HEMK2: variants seen among roughly 807,000 people sequenced by gnomAD.
The protein encoded by HEMK2 is methyltransferase HEMK2.
chr21:28,865,823 T>C, the HEMK2 span, among the ~76,000 whole-genome samples: 2 of 152,162 alleles, frequency 1.3e-5, no homozygotes, highest in South Asian at 2.1e-4. Context: ...TACTTCACAG[T>C]CTCCAAAACT....
chr21:28,878,301 A>G, the HEMK2 span: 1 of 1,613,406 alleles, frequency 6.2e-7, no homozygotes, highest in South Asian at 1.1e-5. Flanking sequence ...TTCTGCCACC[A>G]GCCCAAGCTG....
the HEMK2 span, among the ~76,000 whole-genome samples, chr21:28,677,564 C>T: frequency 2.2e-3 from 333 of 152,314 alleles, no homozygotes; most frequent in Admixed American, 3.6e-3. Context: ...TCTCCCAGCA[C>T]GCAGCTGGAG....
At chr21:28,601,179 G>T in the HEMK2 span, among the ~76,000 whole-genome samples, 1 of 152,074 alleles carries the variant, frequency 6.6e-6, no homozygotes, top group South Asian at 2.1e-4. Flanking sequence ...ATTCTACTCA[G>T]CAGCAAGAGG....
chr21:28,791,649 T>C, the HEMK2 span, among the ~76,000 whole-genome samples: 1 of 152,172 alleles, frequency 6.6e-6, no homozygotes, highest in South Asian at 2.1e-4. Context: ...AGGTCAAAAC[T>C]GAGACCCACT....
At chr21:28,727,260 G>C in the HEMK2 span, among the ~76,000 whole-genome samples, 1 of 152,126 alleles carries the variant, frequency 6.6e-6, no homozygotes, top group African/African-American at 2.4e-5. Context: ...GCATCCCCAG[G>C]ACACCCACAC....
chr21:28,638,221 G>A, the HEMK2 span, among the ~76,000 whole-genome samples: 1 of 152,192 alleles, frequency 6.6e-6, no homozygotes, highest in Non-Finnish European at 1.5e-5. Flanking sequence ...TATGAATGGA[G>A]TATTAGAAAA....
the HEMK2 span, among the ~76,000 whole-genome samples, chr21:28,678,045 GA>G: frequency 6.8e-6 from 1 of 146,308 alleles, no homozygotes; most frequent in African/African-American, 2.5e-5. Context: ...GCTGGATGGA[GA>G]ATGACTTTAA....
chr21:28,875,692 G>A, the HEMK2 span: 2 of 152,184 alleles, frequency 1.3e-5, no homozygotes, highest in Non-Finnish European at 2.9e-5. Context: ...GGCCCACTAA[G>A]TATTGTGCCT....
chr21:28,588,843 C>T, the HEMK2 span, among the ~76,000 whole-genome samples: 1 of 151,846 alleles, frequency 6.6e-6, no homozygotes, highest in African/African-American at 2.4e-5. Flanking sequence ...ATTAGCCGGG[C>T]GTTGTGGTGG....
the HEMK2 span, among the ~76,000 whole-genome samples, chr21:28,790,674 A>G: frequency 1.3e-5 from 2 of 152,140 alleles, no homozygotes; most frequent in Non-Finnish European, 2.9e-5. Context: ...ACTTTAGGAA[A>G]AAATATTAAT....
chr21:28,882,779 G>C, the HEMK2 span, among the ~76,000 whole-genome samples: 1 of 152,178 alleles, frequency 6.6e-6, no homozygotes, highest in Non-Finnish European at 1.5e-5. Context: ...ATTTAGAGAT[G>C]ATCTAAAATT....
the HEMK2 span, chr21:28,878,355 GTTTTCTTTTAAC>G: frequency 6.2e-7 from 1 of 1,610,478 alleles, no homozygotes; most frequent in Non-Finnish European, 8.5e-7. Flanking sequence ...TAGAAAGAAT[GTTTTCTTTTAAC>G]TCAAGTTTGA....
the HEMK2 span, among the ~76,000 whole-genome samples, chr21:28,796,111 T>C: frequency 0.011 from 1,656 of 152,268 alleles, 16 homozygotes; most frequent in Non-Finnish European, 0.015. Context: ...AGAGTGATAC[T>C]TCAAAGCTAG....
chr21:28,756,700 CT>C, the HEMK2 span, among the ~76,000 whole-genome samples: 5 of 152,268 alleles, frequency 3.3e-5, no homozygotes, highest in African/African-American at 4.8e-5. Context: ...ACACTTTGTC[CT>C]TCTAGGGTAA....
chr21:28,747,189 T>C, the HEMK2 span, among the ~76,000 whole-genome samples: 7 of 152,270 alleles, frequency 4.6e-5, no homozygotes, highest in African/African-American at 1.2e-4. Context: ...TACTTAGATA[T>C]GGGAATTGCT....
the HEMK2 span, among the ~76,000 whole-genome samples, chr21:28,583,637 G>T: frequency 6.6e-6 from 1 of 152,174 alleles, no homozygotes; most frequent in African/African-American, 2.4e-5. Context: ...TCTATTAAAT[G>T]ATTTCAGAGA....
chr21:28,845,576 T>C, the HEMK2 span, among the ~76,000 whole-genome samples: 1 of 152,144 alleles, frequency 6.6e-6, no homozygotes, highest in Non-Finnish European at 1.5e-5. Flanking sequence ...TTTCCATTTG[T>C]TCAAATCTTA....
the HEMK2 span, among the ~76,000 whole-genome samples, chr21:28,711,445 C>T: frequency 6.6e-6 from 1 of 152,098 alleles, no homozygotes; most frequent in Non-Finnish European, 1.5e-5. Flanking sequence ...CAGAACAGCC[C>T]TCAACCACTG....
At chr21:28,875,666 C>T in the HEMK2 span, 2 of 152,192 alleles carry the variant, frequency 1.3e-5, no homozygotes. Flanking sequence ...AAAATGTTGC[C>T]TCCAAAACCC....
Sources: allele counts gnomAD v4.1 joint callset (sites outside exome capture counted in the v4.1 genomes callset), GRCh38; gene constraint gnomAD v4.1.1; transcripts MANE v1.5; gene names NCBI Gene and HGNC (gene_info 2026-07-23, HGNC 2026-07-21).